NUP62CL: variants seen among roughly 807,000 people sequenced by gnomAD.
The protein encoded by NUP62CL is nucleoporin 62 C-terminal like.
A neutral mutation model predicts 15.3 loss-of-function variants in NUP62CL; 13 were observed. The ratio of observed to expected loss-of-function variants is 0.85; its 90% CI spans 0.55 to 1.35. The LOEUF is 1.35. NUP62CL is among the 40% of genes most tolerant of loss of function. The probability of loss-of-function intolerance (pLI) is 0.00; values close to 1 mark genes in which losing one functional copy is unlikely to be tolerated. For missense variants in NUP62CL, 123 were observed against 130.6 expected (o/e 0.94, Z 0.28); for synonymous variants, 54 against 49.2 (o/e 1.10, Z -0.41).
chrX:107,199,681 G>A (rs957169547), intron 1 of NUP62CL, among the ~76,000 whole-genome samples: 1 of 112,030 alleles, frequency 8.9e-6, no homozygotes, highest in Non-Finnish European at 1.9e-5. Context: ...TCATGACTGA[G>A]AGATCTGGCC....
intron 4 of NUP62CL, among the ~76,000 whole-genome samples, chrX:107,166,803 TA>T (rs1240904585): frequency 4.5e-5 from 5 of 111,183 alleles, no homozygotes; most frequent in Admixed American, 9.6e-5. Context: ...TTATGCTGAA[TA>T]AAAAAATCCA....
intron 4 of NUP62CL, among the ~76,000 whole-genome samples, chrX:107,155,839 G>A (rs757392776): frequency 3.9e-4 from 44 of 112,492 alleles, no homozygotes; most frequent in South Asian, 1.9e-3. Flanking sequence ...CACAGAAGAC[G>A]GGTGATTTCT....
chrX:107,141,663 G>A (rs1040306980), intron 8 of NUP62CL, among the ~76,000 whole-genome samples: 3 of 111,867 alleles, frequency 2.7e-5, no homozygotes. Flanking sequence ...TCTAGAAGAC[G>A]AAACAGGAAG....
chrX:107,170,261 G>A (rs1050390432), intron 3 of NUP62CL, among the ~76,000 whole-genome samples: 4 of 110,933 alleles, frequency 3.6e-5, no homozygotes, highest in Admixed American at 2.9e-4. Context: ...CAAATTTAAT[G>A]TATGTATATG....
intron 1 of NUP62CL, among the ~76,000 whole-genome samples, chrX:107,196,501 G>C (rs1358754146): frequency 1.8e-5 from 2 of 112,080 alleles, no homozygotes; most frequent in Non-Finnish European, 3.8e-5. Context: ...GCACAATCTT[G>C]GCTCACTGCA....
At chrX:107,175,318 T>A in intron 2 of NUP62CL, 125 bp from the exon 3 acceptor site, 1 of 428,342 alleles carries the variant, frequency 2.3e-6, no homozygotes, top group Non-Finnish European at 4.1e-6. Context: ...GCAGGTATCC[T>A]GAAACCTAAT....
rs1357280708 is a variant in NUP62CL, at chrX:107,161,751, T to C, written c.194+5898A>G. Reference sequence around the variant, plus strand: ...GTAACTAACCTGCACAATGTGCACATGTACCCTAAAACTTAAAGTATAATT... The same window carrying C: ...GTAACTAACCTGCACAATGTGCACACGTACCCTAAAACTTAAAGTATAATT... On this transcript the variant is annotated intron_variant, in intron 4 of 8. Transcript: ENST00000372466. 7.1e-5 allele frequency among the ~76,000 whole-genome samples: 7 copies of C among 98,588 alleles called. No individual in the cohort carries two copies. The East Asian group carries it at 1.9e-3, about 27-fold the overall frequency. The allele number at this position is 98,588 out of a possible 115,157, so 85.6% of individuals were successfully genotyped here.
chrX:107,128,792 C>G (rs1006305064), intron 8 of NUP62CL, among the ~76,000 whole-genome samples: 2 of 111,752 alleles, frequency 1.8e-5, no homozygotes, highest in Non-Finnish European at 3.8e-5. Context: ...TTTAGAAAAC[C>G]ATAAATACTT....
intron 2 of NUP62CL, among the ~76,000 whole-genome samples, chrX:107,180,737 G>T (rs763946930): frequency 2.7e-5 from 3 of 110,941 alleles, no homozygotes; most frequent in Non-Finnish European, 5.7e-5. Flanking sequence ...AGGGGCAGGG[G>T]TAATAAAGAT....
intron 2 of NUP62CL, among the ~76,000 whole-genome samples, chrX:107,187,894 G>A (rs1314698607): frequency 8.9e-6 from 1 of 112,210 alleles, no homozygotes; most frequent in Non-Finnish European, 1.9e-5. Flanking sequence ...AAACATAAAC[G>A]ACCACAATTC....
At chrX:107,124,779 C>A (rs1419303850) in intron 8 of NUP62CL, among the ~76,000 whole-genome samples, 2 of 111,276 alleles carry the variant, frequency 1.8e-5, no homozygotes, top group Middle Eastern at 4.2e-3. Flanking sequence ...TAAATTTTCT[C>A]AGGGGCAGAG....
At chrX:107,127,845 A>G (rs1362172208) in intron 8 of NUP62CL, among the ~76,000 whole-genome samples, 1 of 112,160 alleles carries the variant, frequency 8.9e-6, no homozygotes, top group African/African-American at 3.2e-5. Flanking sequence ...AAAATGACAC[A>G]CAAATTATTT....
chrX:107,134,323 T>C (rs2003052), intron 8 of NUP62CL, among the ~76,000 whole-genome samples: 41,106 of 111,414 alleles, frequency 0.37, 8,134 homozygotes, highest in African/African-American at 0.77. Context: ...TTATTGTTTC[T>C]GACTACAAAA....
intron 2 of NUP62CL, among the ~76,000 whole-genome samples, chrX:107,183,638 G>T (rs763844048): frequency 1.8e-5 from 2 of 110,514 alleles, no homozygotes; most frequent in African/African-American, 6.6e-5. Flanking sequence ...ATGCCAATGG[G>T]TATAAATTTT....
At chrX:107,166,289 G>A (rs1926514409) in intron 4 of NUP62CL, among the ~76,000 whole-genome samples, 1 of 111,956 alleles carries the variant, frequency 8.9e-6, no homozygotes, top group Non-Finnish European at 1.9e-5. Context: ...TCTACTGATG[G>A]CAAATAAACA....
At chrX:107,137,683 A>T (rs767507334) in intron 8 of NUP62CL, among the ~76,000 whole-genome samples, 2 of 112,257 alleles carry the variant, frequency 1.8e-5, no homozygotes, top group African/African-American at 3.2e-5. Context: ...CATGTATGTG[A>T]TGTGGGTGAT....
At chrX:107,189,886 AAAGAAAGAAAGAAAGAAAG>A (rs1293865993) in intron 2 of NUP62CL, among the ~76,000 whole-genome samples, 24 of 63,507 alleles carry the variant, frequency 3.8e-4, no homozygotes, top group South Asian at 1.5e-3. Context: ...GAAAAGAAAG[AAAGAAAGAAAGAAAGAAAG>A]AAAGAAAGAA....
chrX:107,158,800 A>G (rs1396498253), intron 4 of NUP62CL, among the ~76,000 whole-genome samples: 2 of 75,787 alleles, frequency 2.6e-5, no homozygotes, highest in African/African-American at 1.6e-4. Context: ...TGAAGGAAAT[A>G]GAGACACAAA....
At chrX:107,157,449 C>A (rs1926230607) in intron 4 of NUP62CL, among the ~76,000 whole-genome samples, 1 of 106,667 alleles carries the variant, frequency 9.4e-6, no homozygotes, top group Non-Finnish European at 1.9e-5. Context: ...ACCCTACAAG[C>A]CAGAAGAGAG....
Sources: allele counts gnomAD v4.1 joint callset (sites outside exome capture counted in the v4.1 genomes callset), GRCh38; gene constraint gnomAD v4.1.1; transcripts MANE v1.5; gene names NCBI Gene and HGNC (gene_info 2026-07-23, HGNC 2026-07-21).